The following SIPA1L1 variants were observed in gnomAD, a reference collection of about 807,000 sequenced individuals.
SIPA1L1 encodes the protein signal induced proliferation associated 1 like 1.
A neutral mutation model predicts 162.7 loss-of-function variants in SIPA1L1; 26 were observed. The ratio of observed to expected loss-of-function variants is 0.16; its 90% confidence interval spans 0.12 to 0.22. The LOEUF (loss-of-function observed/expected upper bound fraction) is 0.22. SIPA1L1 is among the 10% of genes least tolerant of loss of function. SIPA1L1 has a pLI of 1.00. For missense variants in SIPA1L1, 1,874 were observed against 2,241.0 expected (o/e 0.84, Z 3.31); for synonymous variants, 829 against 837.4 (o/e 0.99, Z 0.17).
intron 3 of SIPA1L1, among the ~76,000 whole-genome samples, chr14:71,524,933 C>A (rs989441779): frequency 1.3e-5 from 2 of 152,118 alleles, no homozygotes; most frequent in Non-Finnish European, 2.9e-5. Flanking sequence ...TCCATTCTTA[C>A]CTCTATGGGA....
chr14:71,584,564 A>G (rs2034347810), intron 4 of SIPA1L1, among the ~76,000 whole-genome samples: 1 of 152,128 alleles, frequency 6.6e-6, no homozygotes, highest in Non-Finnish European at 1.5e-5. Context: ...TGAAGACACT[A>G]CAGAAACACA....
chr14:71,388,409 A>G (rs900049782), intron 2 of SIPA1L1, among the ~76,000 whole-genome samples: 3 of 152,234 alleles, frequency 2.0e-5, no homozygotes, highest in Non-Finnish European at 2.9e-5. Flanking sequence ...ATTATTATCT[A>G]CTGTGTACAT....
chr14:71,636,560 T>C (rs1220635888), intron 7 of SIPA1L1, among the ~76,000 whole-genome samples: 1 of 151,978 alleles, frequency 6.6e-6, no homozygotes, highest in Non-Finnish European at 1.5e-5. Flanking sequence ...GAGGGGGAAA[T>C]TGACAGTATG....
intron 2 of SIPA1L1, among the ~76,000 whole-genome samples, chr14:71,405,049 A>G (rs751785191): frequency 2.0e-5 from 3 of 152,246 alleles, no homozygotes; most frequent in Admixed American, 6.5e-5. Flanking sequence ...TCAGTAAATA[A>G]CAAGTATCAA....
intron 13 of SIPA1L1, among the ~76,000 whole-genome samples, chr14:71,688,834 A>T (rs547533891): frequency 6.6e-6 from 1 of 152,346 alleles, no homozygotes; most frequent in South Asian, 2.1e-4. Flanking sequence ...TATTGTGACT[A>T]AAGAATGCTT....
At chr14:71,395,305 T>C (rs1021352859) in intron 2 of SIPA1L1, among the ~76,000 whole-genome samples, 1 of 152,208 alleles carries the variant, frequency 6.6e-6, no homozygotes, top group Non-Finnish European at 1.5e-5. Flanking sequence ...CATAGGCTCA[T>C]ACTATGACTG....
At position 71,377,476 on chromosome 14, in the gene SIPA1L1, G is replaced by A. The variant is rs970493005; in HGVS notation, c.-465+56295G>A. Among the ~76,000 whole-genome samples the A allele has an allele frequency of 2.6e-5, 4 of 151,484 alleles. No individual in the cohort carries two copies. Among genetic ancestry groups the A allele is most frequent in the Non-Finnish European group, 2.9e-5 (2 of 67,882 alleles). On this transcript the variant is annotated intron_variant, in intron 2 of 23. Coordinates refer to ENST00000381232, the MANE Select transcript of SIPA1L1 (RefSeq NM_001386936.1). The surrounding 1 kb of genome is among the most constrained non-coding windows in gnomAD (Gnocchi z 4.8). ...CCAGACTGGGCGGCCAGGCAGAGAC[G>A]CTCCTCACTTCCCAGACTGGGTGGC...
At chr14:71,589,706 A>C (rs149997351) in intron 5 of SIPA1L1, among the ~76,000 whole-genome samples, 4 of 152,232 alleles carry the variant, frequency 2.6e-5, no homozygotes, top group Non-Finnish European at 5.9e-5. Flanking sequence ...AAAATATTTG[A>C]AATATAGCTG....
intron 5 of SIPA1L1, among the ~76,000 whole-genome samples, chr14:71,589,879 A>G (rs145356437): frequency 1.4e-3 from 209 of 151,942 alleles, no homozygotes; most frequent in Non-Finnish European, 2.5e-3. Context: ...AACAAATTAC[A>G]TTATTTGACA....
At chr14:71,358,394 G>T (rs1182786214) in intron 2 of SIPA1L1, among the ~76,000 whole-genome samples, 1 of 152,130 alleles carries the variant, frequency 6.6e-6, no homozygotes, top group African/African-American at 2.4e-5. Flanking sequence ...TTATAAATTT[G>T]CTCATACATA....
intron 2 of SIPA1L1, among the ~76,000 whole-genome samples, chr14:71,470,975 C>A (rs1350320965): frequency 6.6e-6 from 1 of 151,960 alleles, no homozygotes; most frequent in Admixed American, 6.6e-5. Flanking sequence ...GTAGCTGGGA[C>A]TACAGGCACC....
chr14:71,347,971 A>G (rs2036330834), intron 2 of SIPA1L1, among the ~76,000 whole-genome samples: 1 of 152,210 alleles, frequency 6.6e-6, no homozygotes, highest in African/African-American at 2.4e-5. Flanking sequence ...GTGGAATACA[A>G]AAGAGAAAAG....
At chr14:71,511,050 T>C (rs190631660) in intron 2 of SIPA1L1, among the ~76,000 whole-genome samples, 6 of 152,374 alleles carry the variant, frequency 3.9e-5, no homozygotes, top group Non-Finnish European at 7.3e-5. Flanking sequence ...TCAGTCATTA[T>C]GTATGATCTT....
At chr14:71,429,006 C>T (rs1567012130) in intron 2 of SIPA1L1, among the ~76,000 whole-genome samples, 1 of 152,122 alleles carries the variant, frequency 6.6e-6, no homozygotes, top group Non-Finnish European at 1.5e-5. Flanking sequence ...TAGATTCTGC[C>T]AGTGCATCTA....
intron 7 of SIPA1L1, among the ~76,000 whole-genome samples, chr14:71,636,208 A>G (rs959295123): frequency 6.6e-6 from 1 of 152,262 alleles, no homozygotes; most frequent in African/African-American, 2.4e-5. Flanking sequence ...ATAGGATCTA[A>G]TTGACATAAA....
chr14:71,385,730 T>C (rs1177581889), intron 2 of SIPA1L1, among the ~76,000 whole-genome samples: 1 of 148,064 alleles, frequency 6.8e-6, no homozygotes, highest in Non-Finnish European at 1.5e-5. Context: ...CTCTGTTGCC[T>C]GGGCTGGAGT....
intron 2 of SIPA1L1, among the ~76,000 whole-genome samples, chr14:71,483,365 G>A (rs1003804999): frequency 3.9e-5 from 6 of 152,168 alleles, no homozygotes; most frequent in African/African-American, 1.4e-4. Flanking sequence ...TGCGCACATT[G>A]CTCTTTGTGA....
chr14:71,676,401 A>G (rs958336285), intron 12 of SIPA1L1, among the ~76,000 whole-genome samples: 1 of 151,946 alleles, frequency 6.6e-6, no homozygotes, highest in African/African-American at 2.4e-5. Flanking sequence ...CAATTTTTTT[A>G]AGAGAAGAAA....
At chr14:71,592,222 C>T (rs1179248777) in intron 5 of SIPA1L1, among the ~76,000 whole-genome samples, 1 of 152,116 alleles carries the variant, frequency 6.6e-6, no homozygotes, top group African/African-American at 2.4e-5. Context: ...TCTTGGGCCA[C>T]ACAACTTTCA....
Sources: allele counts gnomAD v4.1 joint callset (sites outside exome capture counted in the v4.1 genomes callset), GRCh38; gene constraint gnomAD v4.1.1; non-coding constraint Gnocchi (gnomAD v3.1); transcripts MANE v1.5; gene names NCBI Gene and HGNC (gene_info 2026-07-23, HGNC 2026-07-21).